ARHGAP6: variants seen among roughly 807,000 people sequenced by gnomAD.
The protein encoded by ARHGAP6 is rho GTPase-activating protein 6.
ARHGAP6 carries 16 observed loss-of-function variants against 55.7 expected under a neutral mutation model. That is an observed-to-expected ratio of 0.29 (90% CI 0.19 to 0.44). The LOEUF (loss-of-function observed/expected upper bound fraction) is 0.44, where lower values mean the gene tolerates loss of function less well. Ranked by LOEUF, ARHGAP6 falls within the 20% of genes least tolerant of loss-of-function variation. The probability of loss-of-function intolerance (pLI) is 1.00; values close to 1 mark genes in which losing one functional copy is unlikely to be tolerated. For missense variants in ARHGAP6, 698 were observed against 808.9 expected (o/e 0.86, Z 1.66); for synonymous variants, 382 against 360.9 (o/e 1.06, Z -0.66).
chrX:11,552,599 T>TATAC (rs1491079107), intron 1 of ARHGAP6, among the ~76,000 whole-genome samples: 2 of 48,228 alleles, frequency 4.1e-5, no homozygotes, highest in African/African-American at 9.0e-5. Context: ...TATATATATA[T>TATAC]AGACACACAC....
At chrX:11,289,491 C>T (rs772702006) in intron 1 of ARHGAP6, among the ~76,000 whole-genome samples, 1 of 111,477 alleles carries the variant, frequency 9.0e-6, no homozygotes, top group Non-Finnish European at 1.9e-5. Flanking sequence ...AATATCTCCC[C>T]AAATGGAGAG....
In ARHGAP6 at chrX:11,354,020, A is replaced by C. The variant is rs755064674; in HGVS notation, c.589-99313T>G. On this transcript the variant is annotated intron_variant, in intron 1 of 12. Coordinates refer to ENST00000337414, the MANE Select transcript of ARHGAP6 (RefSeq NM_013427.3). ...GCTGGATTTTTGGTGCCTGCTGGCT[A>C]TTAAATGGTTATGTAGAAGAATTTG... Among the ~76,000 whole-genome samples, 27 of 110,723 alleles carry C rather than the reference A, an allele frequency of 2.4e-4. No individual in the cohort carries two copies. In the South Asian group the frequency reaches 0.011, roughly 43 times the overall value.
chrX:11,221,632 G>A (rs748038830), intron 2 of ARHGAP6, among the ~76,000 whole-genome samples: 4 of 111,553 alleles, frequency 3.6e-5, no homozygotes, highest in African/African-American at 1.3e-4. Flanking sequence ...TTAATGTTTG[G>A]GGGATATTAG....
intron 1 of ARHGAP6, among the ~76,000 whole-genome samples, chrX:11,432,976 C>T (rs1337901100): frequency 8.9e-6 from 1 of 112,435 alleles, no homozygotes; most frequent in Non-Finnish European, 1.9e-5. Flanking sequence ...TAATTTCTTC[C>T]CACCCTCTTA....
intron 1 of ARHGAP6, among the ~76,000 whole-genome samples, chrX:11,444,904 A>G (rs1278125017): frequency 8.9e-6 from 1 of 111,968 alleles, no homozygotes; most frequent in Non-Finnish European, 1.9e-5. Flanking sequence ...ACACCAAAGG[A>G]ATGACTGCTT....
intron 1 of ARHGAP6, among the ~76,000 whole-genome samples, chrX:11,281,531 C>T (rs1019062173): frequency 1.8e-5 from 2 of 110,619 alleles, no homozygotes; most frequent in Non-Finnish European, 1.9e-5. Context: ...AACTAAACTA[C>T]GGGGTATCTA....
At chrX:11,523,462 A>G (rs1389994440) in intron 1 of ARHGAP6, among the ~76,000 whole-genome samples, 4 of 111,949 alleles carry the variant, frequency 3.6e-5, no homozygotes, top group Non-Finnish European at 7.5e-5. Context: ...TTTGCAGATG[A>G]CATGATTGTA....
intron 2 of ARHGAP6, among the ~76,000 whole-genome samples, chrX:11,218,965 C>T (rs1231444594): frequency 9.3e-6 from 1 of 107,352 alleles, no homozygotes; most frequent in East Asian, 3.0e-4. Flanking sequence ...TATACATGTG[C>T]CATGCTGGTG....
At chrX:11,417,902 G>A in intron 1 of ARHGAP6, among the ~76,000 whole-genome samples, 1 of 110,671 alleles carries the variant, frequency 9.0e-6, no homozygotes, top group Non-Finnish European at 1.9e-5. Context: ...CTATCTCACA[G>A]GGTTATTTTA....
intron 1 of ARHGAP6, among the ~76,000 whole-genome samples, chrX:11,462,391 T>C (rs945900215): frequency 1.8e-5 from 2 of 112,066 alleles, no homozygotes; most frequent in Non-Finnish European, 3.8e-5. Context: ...CAGCAAGCCT[T>C]GGGATGATGT....
At chrX:11,277,655 T>G (rs1042316454) in intron 1 of ARHGAP6, among the ~76,000 whole-genome samples, 2 of 110,492 alleles carry the variant, frequency 1.8e-5, no homozygotes. Context: ...TTTTACAGTC[T>G]GATGAATATG....
chrX:11,379,246 A>G lies in ARHGAP6; in HGVS notation c.589-124539T>C, dbSNP rs776116718. 9.8e-5 allele frequency among the ~76,000 whole-genome samples: 11 copies of G among 112,441 alleles called. No homozygotes were observed. In the South Asian group the frequency reaches 2.6e-3, roughly 26 times the overall value. On this transcript the variant is annotated intron_variant, in intron 1 of 12. Transcript: ENST00000337414. The stretch of plus-strand genomic sequence containing the variant: ...GTCTCTTGAGGTCTAGGATTACAAC[A>G]GGTATGCTATCACTTCTCCATGTCC...
chrX:11,183,013 G>A (rs1297910733), intron 5 of ARHGAP6, among the ~76,000 whole-genome samples: 7 of 111,448 alleles, frequency 6.3e-5, no homozygotes, highest in Non-Finnish European at 3.8e-5. Flanking sequence ...TATTGACAGA[G>A]AGAATGTTAC....
chrX:11,337,860 A>G (rs751969073), intron 1 of ARHGAP6, among the ~76,000 whole-genome samples: 1 of 112,269 alleles, frequency 8.9e-6, no homozygotes, highest in Non-Finnish European at 1.9e-5. Flanking sequence ...GCTTTACAAG[A>G]TAGATGGCAC....
chrX:11,599,543 C>T (rs963504046), intron 1 of ARHGAP6, among the ~76,000 whole-genome samples: 2 of 111,902 alleles, frequency 1.8e-5, no homozygotes, highest in Admixed American at 9.5e-5. Flanking sequence ...ACAAACACTA[C>T]ATAATATCAC....
intron 2 of ARHGAP6, among the ~76,000 whole-genome samples, chrX:11,247,709 T>C (rs1264948022): frequency 8.9e-6 from 1 of 112,517 alleles, no homozygotes; most frequent in Admixed American, 9.4e-5. Flanking sequence ...ATAATATTAA[T>C]TGGACCTAAC....
intron 1 of ARHGAP6, among the ~76,000 whole-genome samples, chrX:11,651,411 T>C (rs1439399588): frequency 9.0e-6 from 1 of 111,717 alleles, no homozygotes; most frequent in Non-Finnish European, 1.9e-5. Context: ...TGTTCCTGTG[T>C]GAGTTTGCTA....
At chrX:11,637,634 C>T (rs1428038060) in intron 1 of ARHGAP6, among the ~76,000 whole-genome samples, 2 of 111,252 alleles carry the variant, frequency 1.8e-5, no homozygotes, top group Non-Finnish European at 3.8e-5. Context: ...TCAAATGGGT[C>T]CATGTGAAAA....
At chrX:11,211,220 C>T (rs1402425076) in intron 2 of ARHGAP6, among the ~76,000 whole-genome samples, 2 of 106,106 alleles carry the variant, frequency 1.9e-5, no homozygotes, top group African/African-American at 7.0e-5. Context: ...ACGAGAACTG[C>T]TGTTTTTTTT....
Sources: gnomAD v4.1 joint callset for allele counts (sites outside exome capture counted in the v4.1 genomes callset) on GRCh38, gnomAD v4.1.1 for gene constraint, MANE v1.5 for transcripts, NCBI Gene and HGNC (gene_info 2026-07-23, HGNC 2026-07-21) for gene names.